The following PM20D2 variants were observed in gnomAD, a reference collection of about 807,000 sequenced individuals.
PM20D2 encodes xaa-Arg dipeptidase.
PM20D2 carries 33 observed loss-of-function variants against 42.9 expected under a neutral mutation model. That is an observed-to-expected ratio of 0.77 (90% confidence interval 0.58 to 1.03). The LOEUF is 1.03. PM20D2 is among the 50% of genes least tolerant of loss of function. The probability of loss-of-function intolerance (pLI) is 0.00; values close to 1 mark genes in which losing one functional copy is unlikely to be tolerated. For synonymous variants in PM20D2, 250 were observed against 228.2 expected (o/e 1.10, Z -0.86); for missense variants, 548 against 557.0 (o/e 0.98, Z 0.16).
chr6:89,114,708 T>C, the PM20D2 span, among the ~76,000 whole-genome samples: 1 of 152,240 alleles, frequency 6.6e-6, no homozygotes, highest in Non-Finnish European at 1.5e-5. Flanking sequence ...AGATCAGGTG[T>C]CACCTGCAGA....
chr6:89,105,111 A>G, the PM20D2 span: 1,183,327 of 1,600,230 alleles, frequency 0.74, 438,493 homozygotes, highest in East Asian at 0.84. Context: ...CAGTCCTCTT[A>G]TACTCACTCT....
the PM20D2 span, among the ~76,000 whole-genome samples, chr6:89,119,032 C>G: frequency 6.6e-6 from 1 of 152,142 alleles, no homozygotes; most frequent in Non-Finnish European, 1.5e-5. Context: ...CCTTTTCGCT[C>G]GCAGAAGTGG....
At chr6:89,151,154 AAAAAAAAAG>A (rs1391002619) in intron 2 of PM20D2, among the ~76,000 whole-genome samples, 13 of 7,568 alleles carry the variant, frequency 1.7e-3, no homozygotes, top group African/African-American at 0.013. Flanking sequence ...ACTCCATCTC[AAAAAAAAAG>A]AAAAAAAAAA....
intron 4 of PM20D2, among the ~76,000 whole-genome samples, chr6:89,155,874 G>A (rs1271721503): frequency 7.1e-6 from 1 of 141,630 alleles, no homozygotes; most frequent in African/African-American, 2.6e-5. Flanking sequence ...ACCACACCTG[G>A]CTAATTTTTT....
the PM20D2 span, among the ~76,000 whole-genome samples, chr6:89,126,668 T>TGA: frequency 4.8e-5 from 5 of 104,658 alleles, no homozygotes; most frequent in African/African-American, 1.5e-4. Context: ...AGACTCCATC[T>TGA]AAAAAAAAAA....
At chr6:89,130,819 CTTTTTTTTTTTTTTTTTTTT>C in the PM20D2 span, among the ~76,000 whole-genome samples, 2 of 24,038 alleles carry the variant, frequency 8.3e-5, no homozygotes, top group African/African-American at 2.9e-4. Context: ...GCTTCTTCTT[CTTTTTTTTTTTTTTTTTTTT>C]TTTTTTTTTT....
chr6:89,122,371 A>AT, the PM20D2 span, among the ~76,000 whole-genome samples: 1 of 152,172 alleles, frequency 6.6e-6, no homozygotes, highest in South Asian at 2.1e-4. Flanking sequence ...TTTCTTCCTA[A>AT]TTACCATGGA....
At chr6:89,110,180 G>A in the PM20D2 span, among the ~76,000 whole-genome samples, 1 of 152,114 alleles carries the variant, frequency 6.6e-6, no homozygotes, top group African/African-American at 2.4e-5. Flanking sequence ...TGTTACCAAT[G>A]GAGGGTCTTG....
rs553036271 is a variant in PM20D2 at position 89,157,402 on chromosome 6, AATTTTT to A, written c.913-918_913-913del. Among the ~76,000 whole-genome samples, 744 of 152,266 alleles carry A rather than the reference AATTTTT, an allele frequency of 4.9e-3. 1 individual carries two copies. Among genetic ancestry groups the A allele is most frequent in the Non-Finnish European group, 8.4e-3 (571 of 68,008 alleles). On this transcript the variant is annotated intron_variant, in intron 4 of 6. Transcript: ENST00000275072. The stretch of plus-strand genomic sequence containing the variant: ...AATATTGGTTTGAGGGAATATTGCC[AATTTTT>A]ATTTAATCAAAACTGAATCTGTAAA...
rs1460470152 is a variant in PM20D2 at position 89,146,153 on chromosome 6, C to T, written c.9C>T (p.Pro3=). Residue 3 remains proline (P), a synonymous_variant, in exon 1 of 7, where the codon CCC becomes CCT. Coordinates refer to ENST00000275072, the MANE Select transcript of PM20D2 (RefSeq NM_001010853.3). MR[P]GGERPVEGGA... is the part of the protein sequence containing the mutation. Reference sequence around the variant, plus strand: ...CAGCGGGCTTGGGCAGCATGAGGCCCGGAGGGGAGCGGCCCGTGGAAGGGG... The same window carrying T: ...CAGCGGGCTTGGGCAGCATGAGGCCTGGAGGGGAGCGGCCCGTGGAAGGGG... 2.0e-6 allele frequency: 3 copies of T among 1,501,660 alleles called. No individual in the cohort carries two copies. The highest frequency in any genetic ancestry group is 2.0e-5 in the Admixed American group (1 of 48,982). 93.0% of individuals were successfully genotyped at this position (1,501,660 alleles called of 1,614,324 possible).
the PM20D2 span, among the ~76,000 whole-genome samples, chr6:89,116,547 G>T: frequency 2.0e-5 from 3 of 152,086 alleles, no homozygotes; most frequent in Non-Finnish European, 4.4e-5. Flanking sequence ...GGCCGAGCTG[G>T]GCGGATCACT....
At chr6:89,097,706 T>C in the PM20D2 span, 4 of 152,168 alleles carry the variant, frequency 2.6e-5, no homozygotes, top group East Asian at 7.7e-4. Flanking sequence ...TAAGACTTGT[T>C]CCATATAAAG....
rs915166373 is a variant in PM20D2 at position 89,162,876 on chromosome 6, C to G, written c.*613C>G. The G allele has an allele frequency of 1.3e-5, 2 of 152,590 alleles. No individual in the cohort carries two copies. Among genetic ancestry groups the G allele is most frequent in the African/African-American group, 4.8e-5 (2 of 41,536 alleles). The allele number at this position is 152,590 out of a possible 1,614,324, so 9.5% of individuals were successfully genotyped here. A position where few individuals can be genotyped will look rare whatever the true frequency, so the allele number is the denominator to read the frequency against. ...CTGCCTCCCAGGTTCAAGTGATTCT[C>G]CTGCCTCAGCCTACCAAGTAGCTGG... On this transcript the variant is annotated 3_prime_UTR_variant, in exon 7 of 7. Coordinates refer to ENST00000275072, the MANE Select transcript of PM20D2 (RefSeq NM_001010853.3).
At chr6:89,123,737 A>G in the PM20D2 span, among the ~76,000 whole-genome samples, 1 of 148,744 alleles carries the variant, frequency 6.7e-6, no homozygotes, top group East Asian at 2.0e-4. Flanking sequence ...AAAAAAAAAA[A>G]AGGTTTATAG....
At chr6:89,154,959 C>T in intron 4 of PM20D2, 57 bp downstream of exon 4, 2 of 1,371,836 alleles carry the variant, frequency 1.5e-6, no homozygotes, top group Non-Finnish European at 1.9e-6. Context: ...TGTGGGCTAG[C>T]ACTGTTAGAT....
the PM20D2 span, chr6:89,096,138 C>T: frequency 5.9e-5 from 9 of 151,900 alleles, no homozygotes; most frequent in Non-Finnish European, 1.2e-4. Context: ...AGCCTACAGT[C>T]ATTCCTTTTT....
chr6:89,129,573 TTC>T, the PM20D2 span, among the ~76,000 whole-genome samples: 7 of 149,278 alleles, frequency 4.7e-5, no homozygotes, highest in East Asian at 1.4e-3. Flanking sequence ...GACACCCCTC[TTC>T]TCTCTGTTTC....
chr6:89,121,476 T>G, the PM20D2 span, among the ~76,000 whole-genome samples: 1 of 152,306 alleles, frequency 6.6e-6, no homozygotes, highest in African/African-American at 2.4e-5. Flanking sequence ...TTTGGCAGAT[T>G]AGGATACTTG....
the PM20D2 span, among the ~76,000 whole-genome samples, chr6:89,111,312 G>C: frequency 6.6e-6 from 1 of 152,150 alleles, no homozygotes; most frequent in Non-Finnish European, 1.5e-5. Flanking sequence ...TGTTATGCTA[G>C]CTTTTAAAAT....
Sources: allele counts gnomAD v4.1 joint callset (sites outside exome capture counted in the v4.1 genomes callset), GRCh38; gene constraint gnomAD v4.1.1; transcripts MANE v1.5; gene names NCBI Gene and HGNC (gene_info 2026-07-23, HGNC 2026-07-21).